Variants in CCDC7 observed in about 807,000 individuals in gnomAD.
CCDC7 encodes coiled-coil domain containing 7, also known as coiled-coil domain-containing protein 7.
A neutral mutation model predicts 196.9 loss-of-function variants in CCDC7; 183 were observed. The ratio of observed to expected loss-of-function variants is 0.93; its 90% CI spans 0.82 to 1.05. The LOEUF (loss-of-function observed/expected upper bound fraction) is 1.05. Among genes scored for constraint, CCDC7 ranks in the 50% least tolerant of loss-of-function variants. The probability of loss-of-function intolerance (pLI) is 0.00; values close to 1 mark genes in which losing one functional copy is unlikely to be tolerated. For missense variants in CCDC7, 1,540 were observed against 1,482.2 expected (o/e 1.04, Z -0.64); for synonymous variants, 525 against 484.6 (o/e 1.08, Z -1.10).
intron 23 of CCDC7, among the ~76,000 whole-genome samples, chr10:32,689,984 C>G (rs543837580): frequency 1.3e-5 from 2 of 152,306 alleles, no homozygotes; most frequent in South Asian, 4.1e-4. Context: ...ATCCACCCGC[C>G]TCGGCCTCCC....
intron 9 of CCDC7, among the ~76,000 whole-genome samples, chr10:32,508,411 G>C (rs1160657666): frequency 6.6e-6 from 1 of 152,192 alleles, no homozygotes; most frequent in Non-Finnish European, 1.5e-5. Context: ...AAACGGGACA[G>C]TATTGTATGT....
chr10:32,523,540 C>A (rs368354399), intron 11 of CCDC7, among the ~76,000 whole-genome samples: 1 of 136,974 alleles, frequency 7.3e-6, no homozygotes. Context: ...CAGAGCAAGA[C>A]GCTGTCTCCA....
intron 28 of CCDC7, among the ~76,000 whole-genome samples, chr10:32,761,356 A>T (rs916163357): frequency 6.6e-6 from 1 of 152,024 alleles, no homozygotes; most frequent in Admixed American, 6.6e-5. Context: ...CCGTGGCATC[A>T]TATGGCAATA....
intron 21 of CCDC7, among the ~76,000 whole-genome samples, chr10:32,685,459 A>C (rs11818059): frequency 0.053 from 8,069 of 152,206 alleles, 712 homozygotes; most frequent in African/African-American, 0.18. Context: ...TCTAGTGATA[A>C]GCAGAAAAGA....
At chr10:32,675,174 CCT>C (rs1410161187) in intron 21 of CCDC7, among the ~76,000 whole-genome samples, 2 of 152,050 alleles carry the variant, frequency 1.3e-5, no homozygotes, top group South Asian at 4.2e-4. Flanking sequence ...GCCCTATCTT[CCT>C]CTCTTTCTGC....
chr10:32,808,980 G>A lies in CCDC7; in HGVS notation c.3097+3882G>A, dbSNP rs187939267. ...ACTTGAGATCAGACATTTGAGGCCAGCCTTGGTTCAAGACCAGTGAGACAC... is the reference window on the plus strand; with the variant it reads ...ACTTGAGATCAGACATTTGAGGCCAACCTTGGTTCAAGACCAGTGAGACAC... On this transcript the variant is annotated intron_variant, in intron 30 of 41. Coordinates refer to ENST00000639629, the Ensembl canonical transcript of CCDC7. Among the ~76,000 whole-genome samples the A allele has an allele frequency of 1.2e-4, 18 of 152,252 alleles. 1 individual carries two copies. The East Asian group carries it at 3.3e-3, about 28-fold the overall frequency.
chr10:32,881,523 G>T (rs2094790443), downstream of CCDC7, among the ~76,000 whole-genome samples: 1 of 152,060 alleles, frequency 6.6e-6, no homozygotes, highest in Admixed American at 6.6e-5. Context: ...ATTTATCATT[G>T]TTTAAATCTA....
chr10:32,448,864 A>G (rs1247190985), upstream of CCDC7, among the ~76,000 whole-genome samples: 1 of 151,680 alleles, frequency 6.6e-6, no homozygotes. Flanking sequence ...ACTTATCACT[A>G]TTGATGTGTA....
intron 41 of CCDC7, among the ~76,000 whole-genome samples, chr10:32,860,216 C>A (rs1042418712): frequency 6.6e-6 from 1 of 152,154 alleles, no homozygotes; most frequent in African/African-American, 2.4e-5. Context: ...TTATCCACCA[C>A]GATTAAGCCG....
chr10:32,584,484 G>C (rs537158192), intron 18 of CCDC7, among the ~76,000 whole-genome samples, 180 bp downstream of exon 19: 4 of 129,714 alleles, frequency 3.1e-5, no homozygotes, highest in African/African-American at 8.8e-5. Context: ...TGGGCCAGGC[G>C]TGGTGGCTCA....
intron 20 of CCDC7, among the ~76,000 whole-genome samples, chr10:32,658,692 C>G (rs549016901): frequency 5.3e-5 from 8 of 152,274 alleles, no homozygotes; most frequent in Non-Finnish European, 1.0e-4. Flanking sequence ...TAAAGAAGTT[C>G]TGTCAGTTGC....
chr10:32,694,179 A>G (rs1218387561), intron 23 of CCDC7, among the ~76,000 whole-genome samples: 3 of 152,188 alleles, frequency 2.0e-5, no homozygotes, highest in Non-Finnish European at 2.9e-5. Flanking sequence ...TTAACTCACC[A>G]CCACTATGAC....
intron 28 of CCDC7, among the ~76,000 whole-genome samples, chr10:32,739,927 C>T (rs921334949): frequency 6.6e-6 from 1 of 151,576 alleles, no homozygotes; most frequent in Non-Finnish European, 1.5e-5. Context: ...GATATTTTAG[C>T]TGTAATCTGC....
At chr10:32,795,640 T>A in intron 29 of CCDC7, among the ~76,000 whole-genome samples, 1 of 152,212 alleles carries the variant, frequency 6.6e-6, no homozygotes, top group East Asian at 1.9e-4. Flanking sequence ...TTCCTGTATC[T>A]TTGCATTTAA....
At chr10:32,701,109 A>G (rs1290501743) in intron 24 of CCDC7, among the ~76,000 whole-genome samples, 1 of 152,148 alleles carries the variant, frequency 6.6e-6, no homozygotes, top group Non-Finnish European at 1.5e-5. Context: ...AGGAGTGGTA[A>G]GAGAGGGCAT....
intron 16 of CCDC7, among the ~76,000 whole-genome samples, chr10:32,573,529 GTTACCTAGTGAGTTA>G: frequency 6.6e-6 from 1 of 152,208 alleles, no homozygotes; most frequent in African/African-American, 2.4e-5. Flanking sequence ...TTATGATAAT[GTTACCTAGTGAGTTA>G]TTACCCCTGG....
chr10:32,789,730 C>T (rs964323950), intron 29 of CCDC7, among the ~76,000 whole-genome samples: 5 of 152,026 alleles, frequency 3.3e-5, no homozygotes, highest in African/African-American at 1.2e-4. Flanking sequence ...ATGCTATTAT[C>T]ACAGAGGAGT....
At chr10:32,655,677 C>T (rs530399094) in intron 20 of CCDC7, among the ~76,000 whole-genome samples, 56 of 152,086 alleles carry the variant, frequency 3.7e-4, no homozygotes, top group African/African-American at 1.3e-3. Flanking sequence ...CTTGGGATGC[C>T]ACCCAAGTAG....
At chr10:32,863,557 T>G (rs749595778) in intron 41 of CCDC7, among the ~76,000 whole-genome samples, 2 of 151,964 alleles carry the variant, frequency 1.3e-5, no homozygotes, top group African/African-American at 2.4e-5. Flanking sequence ...CTTGCTACAT[T>G]GCCAAGGCTG....
Sources: gnomAD v4.1 joint callset for allele counts (sites outside exome capture counted in the v4.1 genomes callset) on GRCh38, gnomAD v4.1.1 for gene constraint, MANE v1.5 for transcripts, NCBI Gene and HGNC (gene_info 2026-07-23, HGNC 2026-07-21) for gene names.